PHACTR2: variants seen among roughly 807,000 people sequenced by gnomAD.
PHACTR2 encodes the protein chromosome 6 open reading frame 56.
Under a neutral mutation model 76.0 loss-of-function variants are expected in PHACTR2, and 30 were observed. That is an observed-to-expected ratio of 0.39 (90% CI 0.30 to 0.54). The LOEUF is 0.54. PHACTR2 is among the 20% of genes least tolerant of loss of function. PHACTR2 has a pLI of 0.61. For missense variants in PHACTR2, 696 were observed against 781.1 expected (o/e 0.89, Z 1.30); for synonymous variants, 292 against 292.5 (o/e 1.00, Z 0.02).
At chr6:143,629,240 G>T (rs993971562) in intron 1 of PHACTR2, among the ~76,000 whole-genome samples, 1 of 151,920 alleles carries the variant, frequency 6.6e-6, no homozygotes, top group Admixed American at 6.6e-5. Flanking sequence ...TCTGGAGGGG[G>T]AAAGAGATAG....
At chr6:143,542,647 C>T (rs1781181517) in intron 1 of PHACTR2, among the ~76,000 whole-genome samples, 1 of 152,200 alleles carries the variant, frequency 6.6e-6, no homozygotes, top group African/African-American at 2.4e-5. Context: ...CTTAAAATGG[C>T]ACATCAGGGG....
rs529347848 is a variant in PHACTR2 at position 143,595,979 on chromosome 6, G to A, written c.217+58772G>A. On this transcript the variant is annotated intron_variant, in intron 1 of 11. Transcript: ENST00000367584. This position sits in a 1 kb window ranked among gnomAD's most constrained non-coding sequence, Gnocchi z 4.2. ...TTTTCTATGGTTCAAACTATTTCTC[G>A]TATAAGCACTATCTACTGGAGACTC... Among the ~76,000 whole-genome samples, 395 of 152,190 alleles carry A rather than the reference G, an allele frequency of 2.6e-3. No individual in the cohort carries two copies. The highest frequency in any genetic ancestry group is 4.4e-3 in the Non-Finnish European group (301 of 68,012).
rs1301054918 is a variant in PHACTR2, at chr6:143,678,069, G to C, written c.-95G>C. ...CGGCGGGCCGCTCGGCACAGGCCGGGACATGAACGCCTGGAAGTCTGGCTG... is the reference window on the plus strand; with the variant it reads ...CGGCGGGCCGCTCGGCACAGGCCGGCACATGAACGCCTGGAAGTCTGGCTG... On this transcript the variant is annotated 5_prime_UTR_variant, in exon 1 of 13. Coordinates refer to ENST00000440869, the MANE Select transcript of PHACTR2 (RefSeq NM_001100164.2). The surrounding 1 kb of genome is among the most constrained non-coding windows in gnomAD (Gnocchi z 6.2). 3.2e-6 allele frequency: 5 copies of C among 1,539,822 alleles called. No individual in the cohort carries two copies. The highest frequency in any genetic ancestry group is 4.4e-6 in the Non-Finnish European group (5 of 1,142,186).
At chr6:143,593,911 T>C (rs1011131270) in intron 1 of PHACTR2, among the ~76,000 whole-genome samples, 2 of 152,240 alleles carry the variant, frequency 1.3e-5, no homozygotes, top group Non-Finnish European at 2.9e-5. Context: ...TTCTAATGCA[T>C]ACTTTTTCTC....
rs1776557912 is a variant in PHACTR2 at position 143,827,176 on chromosome 6, ATAT to A, written c.*3488_*3490del. ...AGAAAATATATATATATATATATATATATATATATATATATATATATATGTATA... is the reference window on the plus strand; with the variant it reads ...AGAAAATATATATATATATATATATAATATATATATATATATATATGTATA... On this transcript the variant is annotated 3_prime_UTR_variant, in exon 13 of 13. Transcript: ENST00000440869. The A allele has an allele frequency of 7.9e-6, 1 of 126,478 alleles. No homozygotes were observed. Among genetic ancestry groups the A allele is most frequent in the Admixed American group, 7.7e-5 (1 of 12,994 alleles). The allele number at this position is 126,478 out of a possible 1,614,324, so 7.8% of individuals were successfully genotyped here. A position where few individuals can be genotyped will look rare whatever the true frequency, so the allele number is the denominator to read the frequency against.
rs1377335719 is a variant in PHACTR2 at position 143,653,109 on chromosome 6, G to C, written c.13+44787G>C. ...CACTGCCAGAGCATTTGTTCTGGAT[G>C]CCTCTGTCCCCAGGTGTCTCAGAAG... On this transcript the variant is annotated intron_variant, in intron 1 of 11. Transcript: ENST00000305766. The surrounding 1 kb of genome is among the most constrained non-coding windows in gnomAD (Gnocchi z 4.9). Among the ~76,000 whole-genome samples, 1 of 152,214 alleles carries C rather than the reference G, an allele frequency of 6.6e-6. No homozygotes were observed. The highest frequency in any genetic ancestry group is 1.5e-5 in the Non-Finnish European group (1 of 68,046).
At position 143,774,957 on chromosome 6, in the gene PHACTR2, T is replaced by C. The variant is rs192177039; in HGVS notation, c.1589+742T>C. On this transcript the variant is annotated intron_variant, in intron 8 of 12. Transcript: ENST00000440869. The surrounding 1 kb of genome is among the most constrained non-coding windows in gnomAD (Gnocchi z 5.4). Reference sequence around the variant, plus strand: ...ATTTTTGATGATCAGTTTAAGCACATGTAAGAATTAGTTGTTCTGCTGACT... The same window carrying C: ...ATTTTTGATGATCAGTTTAAGCACACGTAAGAATTAGTTGTTCTGCTGACT... Among the ~76,000 whole-genome samples the C allele has an allele frequency of 7.9e-4, 121 of 152,328 alleles. 1 individual carries two copies. The highest frequency in any genetic ancestry group is 2.0e-3 in the Admixed American group (30 of 15,302).
chr6:143,567,939 G>A (rs536378729), intron 1 of PHACTR2, among the ~76,000 whole-genome samples: 1 of 152,212 alleles, frequency 6.6e-6, no homozygotes, highest in Non-Finnish European at 1.5e-5. Context: ...ACGTTCCAGC[G>A]ATTCCCACGA....
At position 143,658,540 on chromosome 6, in the gene PHACTR2, G is replaced by A. The variant is rs949801418; in HGVS notation, c.13+50218G>A. Among the ~76,000 whole-genome samples the A allele has an allele frequency of 2.0e-5, 3 of 152,128 alleles. No individual in the cohort carries two copies. The highest frequency in any genetic ancestry group is 7.2e-5 in the African/African-American group (3 of 41,428). ...GAGTGTATTTTAACAAACCTGGATG[G>A]AATAGCCTACTATACAACCTAGGCT... On this transcript the variant is annotated intron_variant, in intron 1 of 11. Coordinates refer to the PHACTR2 transcript ENST00000305766. The surrounding 1 kb of genome is among the most constrained non-coding windows in gnomAD (Gnocchi z 4.1).
chr6:143,707,610 T>G (rs2488098), intron 1 of PHACTR2, among the ~76,000 whole-genome samples: 1 of 152,106 alleles, frequency 6.6e-6, no homozygotes. Context: ...TTAAATAGTA[T>G]AAACATACAA....
At position 143,706,635 on chromosome 6, in the gene PHACTR2, G is replaced by A. The variant is rs137994866; in HGVS notation, c.47-5381G>A. Among the ~76,000 whole-genome samples the A allele has an allele frequency of 9.9e-5, 15 of 152,228 alleles. No homozygotes were observed. In the East Asian group the frequency reaches 1.9e-3, roughly 20 times the overall value. On this transcript the variant is annotated intron_variant, in intron 1 of 12. Transcript: ENST00000440869. The stretch of plus-strand genomic sequence containing the variant: ...TTTCAGAATTTTTAACCTGCACCCC[G>A]TGTGATGCCACACATTTTGATTCTT...
chr6:143,769,025 A>T (rs1292835486), intron 6 of PHACTR2, among the ~76,000 whole-genome samples: 1 of 152,190 alleles, frequency 6.6e-6, no homozygotes, highest in Non-Finnish European at 1.5e-5. Flanking sequence ...CTTTACTTAG[A>T]ACTTTCCTTC....
chr6:143,773,753 A>G (rs1050574148), intron 7 of PHACTR2, among the ~76,000 whole-genome samples: 3 of 152,252 alleles, frequency 2.0e-5, no homozygotes, highest in Non-Finnish European at 2.9e-5. Flanking sequence ...ATTCATTTCT[A>G]TGATCCACCC....
rs137874467 is a variant in PHACTR2, at chr6:143,566,471, T to C, written c.217+29264T>C. On this transcript the variant is annotated intron_variant, in intron 1 of 11. Transcript: ENST00000367584. ...ACCATGCCCAGCTATTCTTTTGTTG[T>C]TGTTGTTGTTTTGTAGAGAAAGGGG... 1.8e-4 allele frequency among the ~76,000 whole-genome samples: 28 copies of C among 151,862 alleles called. No homozygotes were observed. In the South Asian group the frequency reaches 2.1e-3, roughly 11 times the overall value.
In PHACTR2 at chr6:143,751,425, A is replaced by G. The variant is rs1435013405; in HGVS notation, c.296-2329A>G. On this transcript the variant is annotated intron_variant, in intron 3 of 12. Coordinates refer to ENST00000440869, the MANE Select transcript of PHACTR2 (RefSeq NM_001100164.2). This position sits in a 1 kb window ranked among gnomAD's most constrained non-coding sequence, Gnocchi z 5.7. Reference sequence around the variant, plus strand: ...CCTCCATCTTTTCCCTTAGCTTTTGACATGAGGTTGTGGAGGTGGTTTTGC... The same window carrying G: ...CCTCCATCTTTTCCCTTAGCTTTTGGCATGAGGTTGTGGAGGTGGTTTTGC... Among the ~76,000 whole-genome samples, 1 of 151,938 alleles carries G rather than the reference A, an allele frequency of 6.6e-6. No homozygotes were observed. Among genetic ancestry groups the G allele is most frequent in the Non-Finnish European group, 1.5e-5 (1 of 67,992 alleles).
rs1339496284 is a variant in PHACTR2 at position 143,755,546 on chromosome 6, TG to T, written c.454+1637del. ...TCTTGAAAGAAGATAGCAGACCTTA[TG>T]GGTCCATGAATAGTTGAGAGATGTT... On this transcript the variant is annotated intron_variant, in intron 4 of 12. Coordinates refer to ENST00000440869, the MANE Select transcript of PHACTR2 (RefSeq NM_001100164.2). This position sits in a 1 kb window ranked among gnomAD's most constrained non-coding sequence, Gnocchi z 5.2. 1 of 350,376 alleles carries T rather than the reference TG, an allele frequency of 2.9e-6. No individual in the cohort carries two copies. Among genetic ancestry groups the T allele is most frequent in the African/African-American group, 2.1e-5 (1 of 46,660 alleles). The allele number at this position is 350,376 out of a possible 1,614,324, so 21.7% of individuals were successfully genotyped here. A position where few individuals can be genotyped will look rare whatever the true frequency, so the allele number is the denominator to read the frequency against.
chr6:143,785,022 A>T (rs1346877520), intron 10 of PHACTR2, among the ~76,000 whole-genome samples: 1 of 152,108 alleles, frequency 6.6e-6, no homozygotes, highest in Non-Finnish European at 1.5e-5. Flanking sequence ...TCCAAATCTC[A>T]TGTCCTCACA....
chr6:143,675,591 GAT>G (rs1777232387), upstream of PHACTR2, among the ~76,000 whole-genome samples: 1 of 152,130 alleles, frequency 6.6e-6, no homozygotes, highest in Non-Finnish European at 1.5e-5. The surrounding 1 kb of genome is among the most constrained non-coding windows in gnomAD (Gnocchi z 4.9). Context: ...GATATCACTG[GAT>G]AAGAGATTGG....
intron 2 of PHACTR2, among the ~76,000 whole-genome samples, chr6:143,741,295 C>T (rs546023556): frequency 1.3e-5 from 2 of 152,004 alleles, no homozygotes; most frequent in South Asian, 4.2e-4. Context: ...GAGTTCAATA[C>T]CAGCCTGGCC....
Sources: gnomAD v4.1 joint callset for allele counts (sites outside exome capture counted in the v4.1 genomes callset) on GRCh38, gnomAD v4.1.1 for gene constraint, Gnocchi (gnomAD v3.1) non-coding constraint, MANE v1.5 for transcripts, NCBI Gene and HGNC (gene_info 2026-07-23, HGNC 2026-07-21) for gene names.